ATXN10: variants seen among roughly 807,000 people sequenced by gnomAD.
The protein encoded by ATXN10 is ataxin 10, also known as ataxin-10.
A neutral mutation model predicts 52.9 loss-of-function variants in ATXN10; 28 were observed. The observed-to-expected ratio is 0.53, with a 90% CI of 0.39 to 0.73. The LOEUF is 0.73. Among genes scored for constraint, ATXN10 ranks in the 30% least tolerant of loss-of-function variants. The pLI is 0.00. For missense variants in ATXN10, 565 were observed against 577.0 expected, an observed-to-expected ratio of 0.98 and a Z score of 0.21; for synonymous variants, 226 against 221.5, an observed-to-expected ratio of 1.02 and a Z score of -0.18.
At position 45,767,483 on chromosome 22, in the gene ATXN10, A is replaced by G. The variant is rs188519553; in HGVS notation, c.1173+26945A>G. On this transcript the variant is annotated intron_variant, in intron 9 of 11. Transcript: ENST00000252934. Reference sequence around the variant, plus strand: ...ACATTTTTTCTATATAATTTAAAAAAGAAACCATGGAAGAATAAACTAAAA... The same window carrying G: ...ACATTTTTTCTATATAATTTAAAAAGGAAACCATGGAAGAATAAACTAAAA... 1.5e-3 allele frequency among the ~76,000 whole-genome samples: 231 copies of G among 152,202 alleles called. 1 individual carries two copies. Among genetic ancestry groups the G allele is most frequent in the African/African-American group, 5.3e-3 (221 of 41,554 alleles).
intron 9 of ATXN10, among the ~76,000 whole-genome samples, chr22:45,801,469 G>A (rs967425109): frequency 2.0e-5 from 3 of 152,158 alleles, no homozygotes; most frequent in African/African-American, 7.2e-5. Flanking sequence ...AATGCCCACT[G>A]CTAAGTGGCA....
At chr22:45,672,398 C>T (rs950599304) in intron 1 of ATXN10, 22 of 301,034 alleles carry the variant, frequency 7.3e-5, no homozygotes, top group African/African-American at 4.7e-4. Flanking sequence ...CCCGCTCCCC[C>T]ACCGCAGCCA....
At position 45,762,847 on chromosome 22, in the gene ATXN10, G is replaced by T. The variant is rs1926446915; in HGVS notation, c.1173+22309G>T. Among the ~76,000 whole-genome samples the T allele has an allele frequency of 6.6e-6, 1 of 152,126 alleles. No homozygotes were observed. The highest frequency in any genetic ancestry group is 2.1e-4 in the South Asian group (1 of 4,818). On this transcript the variant is annotated intron_variant, in intron 9 of 11. Transcript: ENST00000252934. The surrounding 1 kb of genome is among the most constrained non-coding windows in gnomAD (Gnocchi z 4.3). ...AATTCCAAGTGAGAGTAATTGCGTG[G>T]CTTCCCTTGGGTCTGTCTCCATCCC...
At position 45,780,106 on chromosome 22, in the gene ATXN10, C is replaced by T. The variant is rs1246329493; in HGVS notation, c.1174-26853C>T. Among the ~76,000 whole-genome samples the T allele has an allele frequency of 3.4e-5, 5 of 147,374 alleles. No individual in the cohort carries two copies. The highest frequency in any genetic ancestry group is 2.1e-4 in the South Asian group (1 of 4,702). On this transcript the variant is annotated intron_variant, in intron 9 of 11. Coordinates refer to ENST00000252934, the MANE Select transcript of ATXN10 (RefSeq NM_013236.4). This position sits in a 1 kb window ranked among gnomAD's most constrained non-coding sequence, Gnocchi z 4.0. ...ATCATCTTTTTTTTTTTTTTTGAGA[C>T]GGAGTCTCGTTGTGTCACCCAGGCT...
At chr22:45,755,816 C>T (rs919735780) in intron 9 of ATXN10, among the ~76,000 whole-genome samples, 3 of 152,148 alleles carry the variant, frequency 2.0e-5, no homozygotes, top group South Asian at 2.1e-4. Flanking sequence ...TATATCAGTG[C>T]GTTCATCCTC....
intron 9 of ATXN10, among the ~76,000 whole-genome samples, chr22:45,788,504 T>C (rs916656971): frequency 2.0e-5 from 3 of 151,758 alleles, no homozygotes; most frequent in Non-Finnish European, 4.4e-5. Context: ...GCTTCAGGCC[T>C]GCATCACCTT....
In ATXN10 at chr22:45,762,897, CTG is replaced by C. The variant is rs1356376662; in HGVS notation, c.1173+22362_1173+22363del. On this transcript the variant is annotated intron_variant, in intron 9 of 11. Transcript: ENST00000252934. This position sits in a 1 kb window ranked among gnomAD's most constrained non-coding sequence, Gnocchi z 4.3. ...CTGTTGTAGTCCCTCACAGCCCAGA[CTG>C]TGGACTGCAGAGGCATCACCTAGGG... 4.6e-5 allele frequency among the ~76,000 whole-genome samples: 7 copies of C among 152,216 alleles called. No individual in the cohort carries two copies. Among genetic ancestry groups the C allele is most frequent in the African/African-American group, 1.4e-4 (6 of 41,462 alleles).
chr22:45,839,538 C>T (rs1047843840), intron 10 of ATXN10, among the ~76,000 whole-genome samples: 1 of 152,196 alleles, frequency 6.6e-6, no homozygotes, highest in African/African-American at 2.4e-5. Flanking sequence ...TCTTTCTGTG[C>T]TCCACTTGCC....
chr22:45,723,273 GT>G (rs1924732263), intron 6 of ATXN10, among the ~76,000 whole-genome samples: 1 of 151,944 alleles, frequency 6.6e-6, no homozygotes, highest in African/African-American at 2.4e-5. Flanking sequence ...GGTACAAGTG[GT>G]TTTGGTCACA....
chr22:45,704,106 C>T (rs909183564), intron 5 of ATXN10: 3 of 149,374 alleles, frequency 2.0e-5, no homozygotes, highest in Non-Finnish European at 3.0e-5. Flanking sequence ...TTTGTAAGTG[C>T]CTGAGGCTCT....
rs747279317 is a variant in ATXN10 at position 45,789,069 on chromosome 22, C to T, written c.1174-17890C>T. ...AAGCTCCCCAGGAGATGCAGATTGA[C>T]AGTAAGGATGGAAAGTCACTGCTCT... is the stretch of plus-strand genomic sequence containing the variant. On this transcript the variant is annotated intron_variant, in intron 9 of 11. Coordinates refer to ENST00000252934, the MANE Select transcript of ATXN10 (RefSeq NM_013236.4). This position sits in a 1 kb window ranked among gnomAD's most constrained non-coding sequence, Gnocchi z 4.0. Among the ~76,000 whole-genome samples, 1 of 152,084 alleles carries T rather than the reference C, an allele frequency of 6.6e-6. No individual in the cohort carries two copies. Among genetic ancestry groups the T allele is most frequent in the Admixed American group, 6.5e-5 (1 of 15,268 alleles).
rs1928597920 is a variant in ATXN10 at position 45,820,059 on chromosome 22, T to C, written c.1237+13037T>C. ...CTGTTGGACTGTAACTCCTGGGCTGTTTTATTTTGAGATGATCATTTCTAT... is the reference window on the plus strand; with the variant it reads ...CTGTTGGACTGTAACTCCTGGGCTGCTTTATTTTGAGATGATCATTTCTAT... On this transcript the variant is annotated intron_variant, in intron 10 of 11. Transcript: ENST00000252934. The surrounding 1 kb of genome is among the most constrained non-coding windows in gnomAD (Gnocchi z 4.9). 6.6e-6 allele frequency among the ~76,000 whole-genome samples: 1 copy of C among 152,148 alleles called. No individual in the cohort carries two copies. Among genetic ancestry groups the C allele is most frequent in the Non-Finnish European group, 1.5e-5 (1 of 68,028 alleles).
chr22:45,719,293 G>A (rs1308003637), intron 6 of ATXN10, among the ~76,000 whole-genome samples: 3 of 152,052 alleles, frequency 2.0e-5, no homozygotes, highest in African/African-American at 7.2e-5. Context: ...AGTTTTAGTG[G>A]TTTTGGACTT....
chr22:45,834,547 A>G (rs9614790), intron 10 of ATXN10, among the ~76,000 whole-genome samples: 14,581 of 152,282 alleles, frequency 0.096, 813 homozygotes, highest in African/African-American at 0.15. Flanking sequence ...CTGCAGCATG[A>G]AGGCTGACAT....
chr22:45,722,899 C>A (rs759293505), intron 6 of ATXN10, among the ~76,000 whole-genome samples: 13 of 152,090 alleles, frequency 8.5e-5, no homozygotes, highest in Non-Finnish European at 1.8e-4. Context: ...ACATCCCTAT[C>A]TGTGGATACC....
intron 4 of ATXN10, 25 bp downstream of exon 4, chr22:45,700,403 C>G (rs767590821): frequency 6.4e-7 from 1 of 1,557,514 alleles, no homozygotes; most frequent in Non-Finnish European, 8.9e-7. Context: ...AAGCATTTTT[C>G]TAACTTGTGA....
chr22:45,767,292 A>G (rs1347449329), intron 9 of ATXN10, among the ~76,000 whole-genome samples: 1 of 152,190 alleles, frequency 6.6e-6, no homozygotes, highest in African/African-American at 2.4e-5. Context: ...CTGCAGAGTG[A>G]TCTGAGTGAT....
rs542700991 is a variant in ATXN10, at chr22:45,690,316, A to G, written c.308+413A>G. On this transcript the variant is annotated intron_variant, in intron 2 of 11. Coordinates refer to ENST00000252934, the MANE Select transcript of ATXN10 (RefSeq NM_013236.4). This position sits in a 1 kb window ranked among gnomAD's most constrained non-coding sequence, Gnocchi z 4.5. ...AAAAAAGTTGTTCTGGCATGATAGT[A>G]TCACCCACTGTTATTGCAGGATTGC... is the stretch of plus-strand genomic sequence containing the variant. Among the ~76,000 whole-genome samples the G allele has an allele frequency of 2.6e-5, 4 of 151,830 alleles. No individual in the cohort carries two copies. The highest frequency in any genetic ancestry group is 2.0e-4 in the Admixed American group (3 of 15,216).
intron 9 of ATXN10, among the ~76,000 whole-genome samples, chr22:45,748,891 A>C (rs1925838750): frequency 6.6e-6 from 1 of 152,156 alleles, no homozygotes; most frequent in Non-Finnish European, 1.5e-5. Context: ...GAAACCTATC[A>C]TGGTTTAGGT....
Sources: gnomAD v4.1 joint callset for allele counts (sites outside exome capture counted in the v4.1 genomes callset) on GRCh38, gnomAD v4.1.1 for gene constraint, Gnocchi (gnomAD v3.1) non-coding constraint, MANE v1.5 for transcripts, NCBI Gene and HGNC (gene_info 2026-07-23, HGNC 2026-07-21) for gene names.